TLCD4: variants seen among roughly 807,000 people sequenced by gnomAD.
The protein encoded by TLCD4 is TLC domain-containing protein 4.
In TLCD4, 7 loss-of-function variants were observed where a neutral mutation model predicts 24.2. The ratio of observed to expected loss-of-function variants is 0.29; its 90% CI spans 0.16 to 0.54. The LOEUF (loss-of-function observed/expected upper bound fraction) is 0.54. Ranked by LOEUF, TLCD4 falls within the 20% of genes least tolerant of loss-of-function variation. TLCD4 has a pLI of 0.95. For synonymous variants in TLCD4, 103 were observed against 106.4 expected, an observed-to-expected ratio of 0.97 and a Z score of 0.20; for missense variants, 259 against 313.9, an observed-to-expected ratio of 0.82 and a Z score of 1.32.
At chr1:95,177,608 C>G (rs1472542403) in intron 6 of TLCD4, among the ~76,000 whole-genome samples, 1 of 152,052 alleles carries the variant, frequency 6.6e-6, no homozygotes, top group African/African-American at 2.4e-5. Flanking sequence ...TGTTTAACCG[C>G]TAGACCACCT....
At chr1:95,173,949 A>C (rs943337156) in intron 6 of TLCD4, 60 bp downstream of exon 6, 78 of 1,605,942 alleles carry the variant, frequency 4.9e-5, no homozygotes, top group Non-Finnish European at 6.4e-5. Flanking sequence ...AGTTTGGGCA[A>C]ATCCTTTTCC....
At chr1:95,172,304 G>T (rs1245472822) in intron 5 of TLCD4, among the ~76,000 whole-genome samples, 1 of 152,146 alleles carries the variant, frequency 6.6e-6, no homozygotes, top group East Asian at 1.9e-4. Flanking sequence ...AAATTAATCT[G>T]CACTTCTTCC....
At chr1:95,137,300 T>C (rs1015415745) in intron 1 of TLCD4, among the ~76,000 whole-genome samples, 7 of 152,206 alleles carry the variant, frequency 4.6e-5, no homozygotes, top group Non-Finnish European at 1.0e-4. Flanking sequence ...AAAGGAATGC[T>C]AAGCATAATT....
chr1:95,166,884 A>G (rs1193253341), intron 5 of TLCD4, among the ~76,000 whole-genome samples: 1 of 151,770 alleles, frequency 6.6e-6, no homozygotes, highest in Non-Finnish European at 1.5e-5. Context: ...ACACGCCACC[A>G]TGCCTGGCTA....
chr1:95,101,410 A>AGTGTGT, the TLCD4 span, among the ~76,000 whole-genome samples: 1,808 of 142,714 alleles, frequency 0.013, 20 homozygotes, highest in East Asian at 0.061. Context: ...GACTAATTAA[A>AGTGTGT]GTGTGTGTGT....
chr1:95,177,458 A>G (rs1192234079), intron 6 of TLCD4, among the ~76,000 whole-genome samples: 1 of 152,196 alleles, frequency 6.6e-6, no homozygotes, highest in African/African-American at 2.4e-5. Flanking sequence ...GATACTGGCC[A>G]TTGGAGGCAC....
intron 2 of TLCD4, among the ~76,000 whole-genome samples, chr1:95,144,283 G>T (rs184277437): frequency 6.8e-4 from 104 of 152,332 alleles, no homozygotes; most frequent in African/African-American, 2.2e-3. Context: ...CTGAGGAAGT[G>T]TGTGAAGATG....
At position 95,117,627 on chromosome 1, in the gene TLCD4, T is replaced by G. The variant is rs1382642159; in HGVS notation, c.-12+10T>G. 1.3e-5 allele frequency: 2 copies of G among 151,366 alleles called. No individual in the cohort carries two copies. Among genetic ancestry groups the G allele is most frequent in the Non-Finnish European group, 2.9e-5 (2 of 68,104 alleles). The allele number at this position is 151,366 out of a possible 1,614,324, so 9.4% of individuals were successfully genotyped here. A position where few individuals can be genotyped will look rare whatever the true frequency, so the allele number is the denominator to read the frequency against. On this transcript the variant is annotated intron_variant, in intron 1 of 6. Coordinates refer to ENST00000370203, the MANE Select transcript of TLCD4 (RefSeq NM_152487.3). ...CCGGGACCCGGCACAGGTGACGCCGTTTGGAGGGGGGGTTGGGGAGGAAGG... is the reference window on the plus strand; with the variant it reads ...CCGGGACCCGGCACAGGTGACGCCGGTTGGAGGGGGGGTTGGGGAGGAAGG...
chr1:95,190,668 TGCCTCA>T (rs1435804686), intron 6 of TLCD4, among the ~76,000 whole-genome samples: 1 of 151,880 alleles, frequency 6.6e-6, no homozygotes, highest in Admixed American at 6.6e-5. Context: ...GTGATCCACC[TGCCTCA>T]GCCTCCCAAA....
rs547902042 is a variant in TLCD4, at chr1:95,119,650, G to T, written c.-12+2033G>T. ...AGTGTTTCTGGCTCCTCAGAGTCAAGCACAGCTGTCTTAACAGTTTTCAGA... is the reference window on the plus strand; with the variant it reads ...AGTGTTTCTGGCTCCTCAGAGTCAATCACAGCTGTCTTAACAGTTTTCAGA... On this transcript the variant is annotated intron_variant, in intron 1 of 6. Transcript: ENST00000370203. Among the ~76,000 whole-genome samples the T allele has an allele frequency of 3.9e-5, 6 of 152,264 alleles. 1 individual carries two copies. Among genetic ancestry groups the T allele is most frequent in the African/African-American group, 1.4e-4 (6 of 41,564 alleles).
intron 5 of TLCD4, among the ~76,000 whole-genome samples, chr1:95,168,799 G>A (rs1436179189): frequency 1.3e-5 from 2 of 152,220 alleles, no homozygotes; most frequent in East Asian, 3.9e-4. Context: ...TTCAACTCAG[G>A]AAACATGGGC....
the TLCD4 span, among the ~76,000 whole-genome samples, chr1:95,111,807 C>T: frequency 6.6e-6 from 1 of 152,178 alleles, no homozygotes; most frequent in East Asian, 1.9e-4. Context: ...GCAGCCTGCA[C>T]TCATGCCCTC....
chr1:95,109,493 T>C, the TLCD4 span, among the ~76,000 whole-genome samples: 2 of 134,814 alleles, frequency 1.5e-5, no homozygotes, highest in Non-Finnish European at 3.4e-5. Flanking sequence ...AGTTTTGCAT[T>C]TTTTTTTTTT....
intron 6 of TLCD4, among the ~76,000 whole-genome samples, chr1:95,181,925 C>T (rs1302560091): frequency 6.6e-6 from 1 of 152,062 alleles, no homozygotes. Context: ...GGCAGGCCTT[C>T]AATCTTTTAC....
At chr1:95,118,862 G>A (rs1557675151) in intron 1 of TLCD4, among the ~76,000 whole-genome samples, 1 of 152,102 alleles carries the variant, frequency 6.6e-6, no homozygotes, top group Non-Finnish European at 1.5e-5. Context: ...AATGGGTGAA[G>A]AACCATGGAT....
the TLCD4 span, among the ~76,000 whole-genome samples, chr1:95,104,398 C>G: frequency 6.6e-6 from 1 of 152,148 alleles, no homozygotes; most frequent in Non-Finnish European, 1.5e-5. Context: ...GGCACGGTGG[C>G]TCACGCCTGT....
rs1679113632 is a variant in TLCD4, at chr1:95,194,125, G to A, written c.*2257G>A. ...AAACTTCATTCTTACTTTCATTAATGTTACCCTTCACTGGTATAGCCACTC... is the reference window on the plus strand; with the variant it reads ...AAACTTCATTCTTACTTTCATTAATATTACCCTTCACTGGTATAGCCACTC... On this transcript the variant is annotated 3_prime_UTR_variant, in exon 7 of 7. Transcript: ENST00000370203. 6.6e-6 allele frequency: 1 copy of A among 151,832 alleles called. No homozygotes were observed. The highest frequency in any genetic ancestry group is 2.4e-5 in the African/African-American group (1 of 41,406). 9.4% of individuals were successfully genotyped at this position (151,832 alleles called of 1,614,324 possible). A position where few individuals can be genotyped will look rare whatever the true frequency, so the allele number is the denominator to read the frequency against.
Position 95,163,709 on chromosome 1 carries a change from T to A in TLCD4, c.400-10107T>A, listed in dbSNP as rs1384733807. 3 of 152,306 alleles carry A rather than the reference T, an allele frequency of 2.0e-5. 1 individual carries two copies. In the East Asian group the frequency reaches 5.8e-4, roughly 29 times the overall value. 9.4% of individuals were successfully genotyped at this position (152,306 alleles called of 1,614,324 possible). Reference sequence around the variant, plus strand: ...TGGTGTGGATGTCCTTTCTGTTTGTTAGTTTTCCTTCTAACAGGACCTTCA... The same window carrying A: ...TGGTGTGGATGTCCTTTCTGTTTGTAAGTTTTCCTTCTAACAGGACCTTCA... On this transcript the variant is annotated intron_variant, in intron 5 of 6. Transcript: ENST00000370203.
At chr1:95,163,118 C>T (rs1207080857) in intron 5 of TLCD4, 1 of 151,976 alleles carries the variant, frequency 6.6e-6, no homozygotes, top group Admixed American at 6.6e-5. Context: ...GTTCCATTCT[C>T]CCCATCACTT....
Sources: gnomAD v4.1 joint callset for allele counts (sites outside exome capture counted in the v4.1 genomes callset) on GRCh38, gnomAD v4.1.1 for gene constraint, MANE v1.5 for transcripts, NCBI Gene and HGNC (gene_info 2026-07-23, HGNC 2026-07-21) for gene names.